The following CLTC variants were observed in gnomAD, a reference collection of about 807,000 sequenced individuals.
The protein encoded by CLTC is clathrin heavy chain.
Under a neutral mutation model 195.8 loss-of-function variants are expected in CLTC, and 16 were observed. That is an observed-to-expected ratio of 0.08 (90% CI 0.06 to 0.12). CLTC has a LOEUF of 0.12. Among genes scored for constraint, CLTC ranks in the 10% least tolerant of loss-of-function variants. The pLI, the probability that CLTC is intolerant of heterozygous loss-of-function variation, is 1.00. For synonymous variants in CLTC, 667 were observed against 689.4 expected (o/e 0.97, Z 0.51); for missense variants, 796 against 2,027.0 (o/e 0.39, Z 11.66).
intron 1 of CLTC, among the ~76,000 whole-genome samples, chr17:59,625,717 C>G (rs953106438): frequency 1.3e-5 from 2 of 152,140 alleles, no homozygotes; most frequent in Non-Finnish European, 2.9e-5. Context: ...CCCAAACATA[C>G]TTAAGTTTTC....
intron 1 of CLTC, among the ~76,000 whole-genome samples, chr17:59,640,007 A>G (rs1241898563): frequency 6.6e-6 from 1 of 152,216 alleles, no homozygotes; most frequent in Non-Finnish European, 1.5e-5. Flanking sequence ...CTTATATGCC[A>G]TCACACCTTT....
At chr17:59,656,122 A>C in intron 6 of CLTC, 95 bp downstream of exon 6, 1 of 1,084,226 alleles carries the variant, frequency 9.2e-7, no homozygotes, top group Non-Finnish European at 1.3e-6. Flanking sequence ...CAAGATTAAA[A>C]AATAGAAAAT....
At position 59,690,719 on chromosome 17, in the gene CLTC, C is replaced by G. The variant is rs747426413; in HGVS notation, c.4903+8C>G. 1.1e-5 allele frequency: 17 copies of G among 1,597,264 alleles called. No homozygotes were observed. The South Asian group carries it at 1.9e-4, about 18-fold the overall frequency. ...CACAACCCATTGTTTATGGTAATCT[C>G]TCTCTGTAACCTCAAAAAATTCATT... On this transcript the variant is annotated splice_region_variant and intron_variant, in intron 31 of 31. Coordinates refer to ENST00000269122, the MANE Select transcript of CLTC (RefSeq NM_004859.4).
At chr17:59,665,378 C>T (rs1362838915) in intron 10 of CLTC, among the ~76,000 whole-genome samples, 1 of 152,100 alleles carries the variant, frequency 6.6e-6, no homozygotes, top group Non-Finnish European at 1.5e-5. Context: ...GCAAAACAAA[C>T]ATCTTATTTA....
rs529360283 is a variant in CLTC, at chr17:59,641,804, G to A, written c.43-2472G>A. ...AGTAATATAAGGATTACATAGATTA[G>A]GGTTGCAGGCAGTTCTGTCACTTTA... On this transcript the variant is annotated intron_variant, in intron 1 of 31. Coordinates refer to ENST00000269122, the MANE Select transcript of CLTC (RefSeq NM_004859.4). Among the ~76,000 whole-genome samples, 6 of 152,020 alleles carry A rather than the reference G, an allele frequency of 3.9e-5. No homozygotes were observed. In the East Asian group the frequency reaches 1.2e-3, roughly 29 times the overall value.
In CLTC at chr17:59,644,408, A is replaced by G. The variant is rs767119871; in HGVS notation, c.175A>G (p.Ser59Gly). ...QVVIIDMNDP[S>G]NPIRRPISAD... is the part of the protein sequence containing the mutation. ...GGTAATCATTGATATGAATGACCCA[A>G]GTAATCCAATTCGAAGACCAATTTC... The change falls in exon 2 of 32, where the codon AGT becomes GGT. Residue 59 changes from serine (S) to glycine (G), a missense_variant. Physicochemically the swap from Ser to Gly is moderately conservative, Grantham distance 56. Coordinates refer to ENST00000269122, the MANE Select transcript of CLTC (RefSeq NM_004859.4). 5 of 1,614,098 alleles carry G rather than the reference A, an allele frequency of 3.1e-6. No individual in the cohort carries two copies. The highest frequency in any genetic ancestry group is 4.2e-6 in the Non-Finnish European group (5 of 1,180,038).
intron 1 of CLTC, among the ~76,000 whole-genome samples, chr17:59,633,075 T>C (rs2031768423): frequency 2.0e-5 from 3 of 152,102 alleles, no homozygotes; most frequent in Admixed American, 2.0e-4. Context: ...TTAATGTCAT[T>C]TTGAACTCCC....
intron 1 of CLTC, among the ~76,000 whole-genome samples, chr17:59,626,458 T>G (rs1284733061): frequency 6.6e-6 from 1 of 152,196 alleles, no homozygotes; most frequent in Admixed American, 6.5e-5. Context: ...AAAAAAAACT[T>G]AATGAATCAT....
intron 4 of CLTC, among the ~76,000 whole-genome samples, chr17:59,649,288 C>T (rs979288867): frequency 1.3e-5 from 2 of 152,178 alleles, no homozygotes; most frequent in African/African-American, 2.4e-5. Context: ...ACTCTGAGGA[C>T]ACTTCTGGAT....
At chr17:59,639,600 C>G (rs2031970311) in intron 1 of CLTC, among the ~76,000 whole-genome samples, 1 of 152,142 alleles carries the variant, frequency 6.6e-6, no homozygotes, top group South Asian at 2.1e-4. Flanking sequence ...GATATGTCCT[C>G]TGAAAATACC....
intron 6 of CLTC, among the ~76,000 whole-genome samples, chr17:59,656,399 T>TC (rs112027419): frequency 0.86 from 130,626 of 151,960 alleles, 56,251 homozygotes; most frequent in South Asian, 0.94. Context: ...GACAGACTAT[T>TC]TTTTTAAGGA....
chr17:59,634,215 C>T (rs562918883), intron 1 of CLTC, among the ~76,000 whole-genome samples: 15 of 152,184 alleles, frequency 9.9e-5, no homozygotes, highest in African/African-American at 2.9e-4. Flanking sequence ...GGCCTTGAAC[C>T]CTCAAAGTAA....
intron 28 of CLTC, among the ~76,000 whole-genome samples, 190 bp from the exon 29 acceptor site, chr17:59,684,866 A>G (rs2033149409): frequency 6.6e-6 from 1 of 151,936 alleles, no homozygotes; most frequent in Non-Finnish European, 1.5e-5. Flanking sequence ...TCATAGCCAT[A>G]TGTTAGTCCT....
At chr17:59,678,601 T>C (rs1272573935) in intron 17 of CLTC, among the ~76,000 whole-genome samples, 1 of 152,224 alleles carries the variant, frequency 6.6e-6, no homozygotes, top group Non-Finnish European at 1.5e-5. Flanking sequence ...CATTTTTCTT[T>C]GAGCACTAAC....
chr17:59,659,147 C>T (rs1167277547), intron 6 of CLTC, among the ~76,000 whole-genome samples: 1 of 152,152 alleles, frequency 6.6e-6, no homozygotes, highest in Non-Finnish European at 1.5e-5. Flanking sequence ...AACCCCCTTT[C>T]CTCATGTGAA....
chr17:59,693,360 CT>C (rs56119322), intron 31 of CLTC, among the ~76,000 whole-genome samples: 17,126 of 136,604 alleles, frequency 0.13, 2,870 homozygotes, highest in African/African-American at 0.4. Context: ...GAGCCAGATT[CT>C]TTTTTTTTTT....
At chr17:59,625,770 C>T (rs530405825) in intron 1 of CLTC, among the ~76,000 whole-genome samples, 1 of 152,294 alleles carries the variant, frequency 6.6e-6, no homozygotes, top group African/African-American at 2.4e-5. Context: ...ATTTTAATTA[C>T]TTTAAAATTA....
intron 1 of CLTC, among the ~76,000 whole-genome samples, chr17:59,630,738 C>T (rs1417954620): frequency 6.6e-6 from 1 of 152,192 alleles, no homozygotes; most frequent in African/African-American, 2.4e-5. Context: ...AGACTTCATT[C>T]CTTTATGACT....
At chr17:59,692,686 G>C (rs1022236006) in intron 31 of CLTC, among the ~76,000 whole-genome samples, 4 of 152,124 alleles carry the variant, frequency 2.6e-5, no homozygotes, top group African/African-American at 9.7e-5. Context: ...ACCCAGGCTG[G>C]AGTGCAGTGG....
Sources: gnomAD v4.1 joint callset for allele counts (sites outside exome capture counted in the v4.1 genomes callset) on GRCh38, gnomAD v4.1.1 for gene constraint, MANE v1.5 for transcripts, NCBI Gene and HGNC (gene_info 2026-07-23, HGNC 2026-07-21) for gene names.